ANKRD26: variants seen among roughly 807,000 people sequenced by gnomAD.
ANKRD26 encodes the protein ankyrin repeat domain-containing protein 26.
In ANKRD26, 141 loss-of-function variants were observed where a neutral mutation model predicts 208.7. The observed-to-expected ratio is 0.68, with a 90% confidence interval of 0.59 to 0.78. The LOEUF (loss-of-function observed/expected upper bound fraction) is 0.78. Ranked by LOEUF, ANKRD26 falls within the 30% of genes least tolerant of loss-of-function variation. The pLI, the probability that ANKRD26 is intolerant of heterozygous loss-of-function variation, is 0.00. For missense variants in ANKRD26, 1,889 were observed against 1,938.7 expected, an observed-to-expected ratio of 0.97 and a Z score of 0.48; for synonymous variants, 636 against 660.4, an observed-to-expected ratio of 0.96 and a Z score of 0.57.
At chr10:27,077,310 GAA>G (rs1206965878) in intron 9 of ANKRD26, 26 bp downstream of exon 9, 8 of 1,563,942 alleles carry the variant, frequency 5.1e-6, no homozygotes, top group Middle Eastern at 1.7e-4. Context: ...AAGGGTACAT[GAA>G]AAAAGTTTTT....
At position 27,005,237 on chromosome 10, in the gene ANKRD26, T is replaced by A; in HGVS notation, c.*353A>T. On this transcript the variant is annotated 3_prime_UTR_variant, in exon 34 of 34. Coordinates refer to ENST00000376087, the MANE Select transcript of ANKRD26 (RefSeq NM_014915.3). ...CCACAGTTCCTGCACAACAAAATGA[T>A]GTCTAAGTCCAATTAGACATCTACC... 4.0e-6 allele frequency: 4 copies of A among 1,009,928 alleles called. No homozygotes were observed. The highest frequency in any genetic ancestry group is 4.7e-6 in the Non-Finnish European group (4 of 845,224). The allele number at this position is 1,009,928 out of a possible 1,614,324, so 62.6% of individuals were successfully genotyped here.
chr10:27,002,854 C>T (rs1354999535), downstream of ANKRD26, among the ~76,000 whole-genome samples: 1 of 152,180 alleles, frequency 6.6e-6, no homozygotes, highest in Non-Finnish European at 1.5e-5. Flanking sequence ...CTTGATTTAA[C>T]ACAGCACCAC....
chr10:26,950,116 C>A, the ANKRD26 span, among the ~76,000 whole-genome samples: 1 of 152,322 alleles, frequency 6.6e-6, no homozygotes, highest in Non-Finnish European at 1.5e-5. Flanking sequence ...CAGATCTCAT[C>A]TTGAATTATG....
chr10:27,035,274 T>C lies in ANKRD26; in HGVS notation c.3176A>G (p.Asn1059Ser). ...NFDVSNLKDN[N>S]EILSQQLFKT... ...AAATAGTTGTTGAGAAAGAATCTCATTGTTATCTTTTAGGTTAGACACATC... is the reference window on the plus strand; with the variant it reads ...AAATAGTTGTTGAGAAAGAATCTCACTGTTATCTTTTAGGTTAGACACATC... The change falls in exon 24 of 34, where the codon AAT becomes AGT. Residue 1059 changes from asparagine (N) to serine (S), a missense_variant. This residue lies in a region of ANKRD26 where 1,272 missense variants were observed against 1,273.8 expected (regional missense o/e 1.00). Coordinates refer to ENST00000376087, the MANE Select transcript of ANKRD26 (RefSeq NM_014915.3). The C allele has an allele frequency of 1.9e-6, 3 of 1,613,942 alleles. No individual in the cohort carries two copies. Among genetic ancestry groups the C allele is most frequent in the Non-Finnish European group, 2.5e-6 (3 of 1,179,886 alleles).
intron 32 of ANKRD26, among the ~76,000 whole-genome samples, chr10:27,009,620 C>A (rs2053020459): frequency 6.6e-6 from 1 of 152,006 alleles, no homozygotes; most frequent in Non-Finnish European, 1.5e-5. Context: ...ATGTATAGAG[C>A]AATAGCTTAG....
chr10:26,982,299 C>T (rs530963030), intron 4 of ANKRD26, among the ~76,000 whole-genome samples: 1 of 152,246 alleles, frequency 6.6e-6, no homozygotes, highest in South Asian at 2.1e-4. Flanking sequence ...ATCTTTGCAG[C>T]CATCTTATTT....
intron 25 of ANKRD26, chr10:27,030,398 C>T (rs952059161): frequency 1.0e-5 from 10 of 985,392 alleles, no homozygotes; most frequent in Non-Finnish European, 1.2e-5. Flanking sequence ...CTTACATGGC[C>T]ATCAGAGCAC....
downstream of ANKRD26, among the ~76,000 whole-genome samples, chr10:26,972,061 C>G (rs555342357): frequency 6.6e-6 from 1 of 151,960 alleles, no homozygotes; most frequent in Non-Finnish European, 1.5e-5. Flanking sequence ...CGGTGAAACC[C>G]CGTCTCTACT....
chr10:27,022,569 GC>G lies in ANKRD26; in HGVS notation c.4203del (p.Lys1401AsnfsTer2). ...SQFEMDIQINKLKHKIDDLTA... is the reference protein window; with the variant it reads ...SQFEMDIQINXLKHKIDDLTA... ...TTATTAAAAATTACCTTATGTTTTA[GC>G]TTATTAATCTGAATATCCATTTCAA... On this transcript the variant is annotated frameshift_variant, in exon 29 of 34. Coordinates refer to ENST00000376087, the MANE Select transcript of ANKRD26 (RefSeq NM_014915.3). LOFTEE classifies it high-confidence loss of function. 6.5e-7 allele frequency: 1 copy of G among 1,530,038 alleles called. No homozygotes were observed. The highest frequency in any genetic ancestry group is 9.0e-7 in the Non-Finnish European group (1 of 1,112,120). 94.8% of individuals were successfully genotyped at this position (1,530,038 alleles called of 1,614,324 possible).
chr10:26,991,234 C>T (rs944874659), downstream of ANKRD26, among the ~76,000 whole-genome samples: 5 of 152,104 alleles, frequency 3.3e-5, no homozygotes, highest in South Asian at 2.1e-4. Flanking sequence ...TTGCTGCAGG[C>T]CTGGGCCACC....
rs2055732044 is a variant in ANKRD26 at position 27,077,275 on chromosome 10, A to G, written c.1077+63T>C. 8 of 1,346,022 alleles carry G rather than the reference A, an allele frequency of 5.9e-6. No homozygotes were observed. In the East Asian group the frequency reaches 1.4e-4, roughly 23 times the overall value. The allele number at this position is 1,346,022 out of a possible 1,614,324, so 83.4% of individuals were successfully genotyped here. On this transcript the variant is annotated intron_variant, in intron 9 of 33. Transcript: ENST00000376087. ...GTATGATCATCTCAATAGATGCATC[A>G]TTATGAGGATTGTTGGGGCAGGGGA... is the stretch of plus-strand genomic sequence containing the variant.
rs200015812 is a variant in ANKRD26 at position 27,066,477 on chromosome 10, TAGA to T, written c.1269+7_1269+9del. ...TATTTTAAAATAATAGTAACAACCATAGAAAGTACCTCAGAATCCCAAGGTGAT... is the reference window on the plus strand; with the variant it reads ...TATTTTAAAATAATAGTAACAACCATAAGTACCTCAGAATCCCAAGGTGAT... On this transcript the variant is annotated splice_region_variant and intron_variant, in intron 11 of 33. Transcript: ENST00000376087. The T allele has an allele frequency of 0.017, 26,733 of 1,571,294 alleles. 1,761 individuals are homozygous for T. In the East Asian group the frequency reaches 0.2, roughly 12 times the overall value.
chr10:27,028,840 T>G lies in ANKRD26; in HGVS notation c.3972+12A>C. 6.2e-7 allele frequency: 1 copy of G among 1,605,560 alleles called. No homozygotes were observed. Among genetic ancestry groups the G allele is most frequent in the Non-Finnish European group, 8.5e-7 (1 of 1,172,658 alleles). On this transcript the variant is annotated intron_variant, in intron 27 of 33. Coordinates refer to ENST00000376087, the MANE Select transcript of ANKRD26 (RefSeq NM_014915.3). ...CCTTTTCAGTACGACAGAAATTAAG[T>G]GGCTGACTTACCAAATTTGCATTTA...
intron 9 of ANKRD26, among the ~76,000 whole-genome samples, chr10:27,068,607 A>C (rs2055354237): frequency 6.6e-6 from 1 of 152,124 alleles, no homozygotes; most frequent in Admixed American, 6.5e-5. Flanking sequence ...GAGGAGAAAA[A>C]ACAGAAAAAT....
intron 12 of ANKRD26, 41 bp downstream of exon 12, chr10:27,063,947 C>G (rs774483659): frequency 1.3e-5 from 19 of 1,469,324 alleles, no homozygotes; most frequent in Non-Finnish European, 1.8e-5. Context: ...TAAATAAACA[C>G]TCTGTCCAAT....
At chr10:26,998,417 T>C (rs1208144752) in intron 4 of ANKRD26, among the ~76,000 whole-genome samples, 8 of 152,272 alleles carry the variant, frequency 5.3e-5, no homozygotes, top group South Asian at 2.1e-4. Flanking sequence ...TGGGGGCTGA[T>C]TGTTGTCATT....
At chr10:27,056,895 A>T (rs990217325) in intron 15 of ANKRD26, among the ~76,000 whole-genome samples, 5 of 152,176 alleles carry the variant, frequency 3.3e-5, no homozygotes, top group African/African-American at 1.2e-4. Context: ...GTTTTCTGGT[A>T]GCTGTGATTC....
Position 27,040,186 on chromosome 10 carries a change from A to G in ANKRD26, c.2162-8T>C. 6.3e-7 allele frequency: 1 copy of G among 1,593,936 alleles called. No individual in the cohort carries two copies. The highest frequency in any genetic ancestry group is 8.6e-7 in the Non-Finnish European group (1 of 1,163,504). On this transcript the variant is annotated splice_polypyrimidine_tract_variant and splice_region_variant and intron_variant, in intron 20 of 33. Coordinates refer to ENST00000376087, the MANE Select transcript of ANKRD26 (RefSeq NM_014915.3). ...TCAATAGGCTAACAGAATCTGTATC[A>G]GGAAGAAAACAAGATAGAAATATAT...
intron 4 of ANKRD26, among the ~76,000 whole-genome samples, chr10:27,088,169 G>GTT: frequency 6.6e-6 from 1 of 152,234 alleles, no homozygotes. Flanking sequence ...ATATTTGCAC[G>GTT]TAACATCCCA....
Sources: allele counts gnomAD v4.1 joint callset (sites outside exome capture counted in the v4.1 genomes callset), GRCh38; gene constraint gnomAD v4.1.1; regional missense constraint gnomAD v4.1.1; transcripts MANE v1.5; gene names NCBI Gene and HGNC (gene_info 2026-07-23, HGNC 2026-07-21).